The following KCNT2 variants were observed in gnomAD, a reference collection of about 807,000 sequenced individuals.
The protein encoded by KCNT2 is potassium channel subfamily T member 2.
A neutral mutation model predicts 153.8 loss-of-function variants in KCNT2; 67 were observed. The observed-to-expected ratio is 0.44, with a 90% CI of 0.36 to 0.53. The LOEUF (loss-of-function observed/expected upper bound fraction) is 0.53. KCNT2 is among the 20% of genes least tolerant of loss of function. The pLI is 0.00. For missense variants in KCNT2, 975 were observed against 1,354.8 expected, an observed-to-expected ratio of 0.72 and a Z score of 4.40; for synonymous variants, 500 against 458.8, an observed-to-expected ratio of 1.09 and a Z score of -1.15.
At chr1:196,365,086 T>C (rs1301988750) in intron 14 of KCNT2, among the ~76,000 whole-genome samples, 1 of 152,116 alleles carries the variant, frequency 6.6e-6, no homozygotes, top group South Asian at 2.1e-4. Context: ...GAACCTTCTC[T>C]TTCTTTGGTC....
At position 196,533,129 on chromosome 1, in the gene KCNT2, G is replaced by A. The variant is rs190759035; in HGVS notation, c.96-40788C>T. Among the ~76,000 whole-genome samples the A allele has an allele frequency of 5.2e-4, 79 of 152,196 alleles. 1 individual carries two copies. Among genetic ancestry groups the A allele is most frequent in the African/African-American group, 1.7e-3 (71 of 41,548 alleles). ...GCATTTTTACTTTAGTGATCAAGGT[G>A]ATTATTAAGAATATCATAATTCAAC... On this transcript the variant is annotated intron_variant, in intron 1 of 27. Transcript: ENST00000294725.
intron 8 of KCNT2, among the ~76,000 whole-genome samples, chr1:196,439,040 A>G (rs1268704763): frequency 6.6e-6 from 1 of 151,876 alleles, no homozygotes; most frequent in African/African-American, 2.4e-5. Context: ...GAAGCAGATA[A>G]ATCTCGCCAT....
At chr1:196,560,441 A>G (rs1037043871) in intron 1 of KCNT2, among the ~76,000 whole-genome samples, 1 of 151,946 alleles carries the variant, frequency 6.6e-6, no homozygotes, top group Non-Finnish European at 1.5e-5. Flanking sequence ...CTTTTTAAAA[A>G]TTAGAATTGT....
chr1:196,318,398 G>A (rs1662947330), intron 20 of KCNT2, among the ~76,000 whole-genome samples: 2 of 151,610 alleles, frequency 1.3e-5, no homozygotes. Context: ...TCTGTCCCTA[G>A]GAATTTGATC....
chr1:196,408,238 T>G (rs1325512899), intron 12 of KCNT2, among the ~76,000 whole-genome samples: 1 of 151,468 alleles, frequency 6.6e-6, no homozygotes, highest in Non-Finnish European at 1.5e-5. Context: ...TGGACGAAAG[T>G]TTTACACCCT....
At chr1:196,436,891 A>T (rs1241375430) in intron 8 of KCNT2, among the ~76,000 whole-genome samples, 1 of 147,648 alleles carries the variant, frequency 6.8e-6, no homozygotes, top group Non-Finnish European at 1.5e-5. Flanking sequence ...GTGGCAAAAG[A>T]ATTTAATAAT....
intron 1 of KCNT2, among the ~76,000 whole-genome samples, chr1:196,528,741 T>TATTCCCTTGATTGGGAATA (rs1654570421): frequency 6.6e-6 from 1 of 152,154 alleles, no homozygotes. Context: ...TAGGTAGAAT[T>TATTCCCTTGATTGGGAATA]ATTCCCTTGA....
intron 1 of KCNT2, among the ~76,000 whole-genome samples, chr1:196,509,273 A>G (rs1038395274): frequency 6.6e-6 from 1 of 152,052 alleles, no homozygotes; most frequent in African/African-American, 2.4e-5. Flanking sequence ...CTCCGAAAAA[A>G]AAAAAAAAAA....
chr1:196,228,973 A>T (rs1198588654), intron 27 of KCNT2, among the ~76,000 whole-genome samples: 1 of 152,120 alleles, frequency 6.6e-6, no homozygotes, highest in Non-Finnish European at 1.5e-5. Context: ...GATAATACTA[A>T]AGTATAGAGA....
intron 1 of KCNT2, among the ~76,000 whole-genome samples, chr1:196,554,377 C>G (rs903390936): frequency 6.6e-6 from 1 of 151,206 alleles, no homozygotes; most frequent in African/African-American, 2.4e-5. Flanking sequence ...CTATGATCAA[C>G]TATATGTCAA....
At chr1:196,501,905 G>C (rs1680732024) in intron 1 of KCNT2, among the ~76,000 whole-genome samples, 1 of 152,160 alleles carries the variant, frequency 6.6e-6, no homozygotes, top group African/African-American at 2.4e-5. Context: ...CATTGCCTGA[G>C]CTCAGGAGTT....
chr1:196,488,359 T>C (rs924116273), intron 3 of KCNT2, among the ~76,000 whole-genome samples: 1 of 152,004 alleles, frequency 6.6e-6, no homozygotes, highest in Admixed American at 6.6e-5. Context: ...GTATTCAAAA[T>C]GGAACCATAA....
intron 13 of KCNT2, among the ~76,000 whole-genome samples, chr1:196,381,021 A>C (rs1488499964): frequency 1.3e-5 from 2 of 152,220 alleles, no homozygotes; most frequent in Non-Finnish European, 2.9e-5. Context: ...GTTTCACTAG[A>C]TCTAACTATA....
intron 3 of KCNT2, among the ~76,000 whole-genome samples, chr1:196,487,575 A>G (rs1368215262): frequency 6.6e-6 from 1 of 151,940 alleles, no homozygotes; most frequent in Non-Finnish European, 1.5e-5. Context: ...TTTGTTAGAG[A>G]ACTTAGTCCT....
intron 1 of KCNT2, among the ~76,000 whole-genome samples, chr1:196,545,427 G>C (rs572363195): frequency 3.9e-5 from 6 of 152,176 alleles, no homozygotes; most frequent in African/African-American, 1.4e-4. Flanking sequence ...AGGGGAGACT[G>C]AGCAGAAGAC....
chr1:196,437,951 T>G (rs1403335655), intron 8 of KCNT2, among the ~76,000 whole-genome samples: 1 of 151,448 alleles, frequency 6.6e-6, no homozygotes, highest in Non-Finnish European at 1.5e-5. Context: ...TGACCTCACT[T>G]TACTATTACT....
At chr1:196,240,536 T>C (rs1654858506) in intron 26 of KCNT2, among the ~76,000 whole-genome samples, 1 of 152,058 alleles carries the variant, frequency 6.6e-6, no homozygotes, top group Non-Finnish European at 1.5e-5. Context: ...AAAACAATTA[T>C]ATATGTATTG....
At chr1:196,537,268 T>C (rs1232272589) in intron 1 of KCNT2, among the ~76,000 whole-genome samples, 1 of 152,184 alleles carries the variant, frequency 6.6e-6, no homozygotes, top group African/African-American at 2.4e-5. Context: ...GCTATGCATA[T>C]AGACCTGTGG....
At chr1:196,334,605 T>C (rs1203706485) in intron 16 of KCNT2, among the ~76,000 whole-genome samples, 1 of 151,492 alleles carries the variant, frequency 6.6e-6, no homozygotes, top group Non-Finnish European at 1.5e-5. Flanking sequence ...GCTATCTTTT[T>C]GTAATTGATT....
Sources: gnomAD v4.1 joint callset for allele counts (sites outside exome capture counted in the v4.1 genomes callset) on GRCh38, gnomAD v4.1.1 for gene constraint, MANE v1.5 for transcripts, NCBI Gene and HGNC (gene_info 2026-07-23, HGNC 2026-07-21) for gene names.